Variants in UBE3A observed in about 807,000 individuals in gnomAD.
UBE3A encodes ubiquitin-protein ligase E3A.
In UBE3A, 6 loss-of-function variants were observed where a neutral mutation model predicts 83.4. That is an observed-to-expected ratio of 0.07 (90% CI 0.04 to 0.14). The LOEUF (loss-of-function observed/expected upper bound fraction) is 0.14. UBE3A is among the 10% of genes least tolerant of loss of function. The pLI is 1.00. For missense variants in UBE3A, 456 were observed against 1,036.1 expected, an observed-to-expected ratio of 0.44 and a Z score of 7.69; for synonymous variants, 337 against 355.4, an observed-to-expected ratio of 0.95 and a Z score of 0.58.
In UBE3A at chr15:25,334,588, G is replaced by C. The variant is rs1346237690; in HGVS notation, c.*4549C>G. On this transcript the variant is annotated 3_prime_UTR_variant, in exon 13 of 13. Coordinates refer to ENST00000648336, the MANE Select transcript of UBE3A (RefSeq NM_130839.5). ...TATGCAATGCAAGGGACCCAAAACA[G>C]ACAAAATGATTTTGGGGAAAAAAAA... The C allele has an allele frequency of 7.5e-6, 1 of 132,718 alleles. No individual in the cohort carries two copies. Among genetic ancestry groups the C allele is most frequent in the Admixed American group, 8.0e-5 (1 of 12,488 alleles). The allele number at this position is 132,718 out of a possible 1,614,324, so 8.2% of individuals were successfully genotyped here. A position where few individuals can be genotyped will look rare whatever the true frequency, so the allele number is the denominator to read the frequency against.
At chr15:25,365,962 C>A (rs2079035774) in intron 6 of UBE3A, among the ~76,000 whole-genome samples, 1 of 152,114 alleles carries the variant, frequency 6.6e-6, no homozygotes, top group Non-Finnish European at 1.5e-5. Context: ...TCCATGAGAC[C>A]TGGAATCCTG....
rs746471374 is a variant in UBE3A at position 25,409,109 on chromosome 15, C to T, written c.-2G>A. ...TTACCTTTTACAAGCTGTGGCCATT[C>T]GGTGACATCAGGGTGATCACAGCTT... On this transcript the variant is annotated 5_prime_UTR_variant, in exon 3 of 13. Transcript: ENST00000648336. 5.0e-6 allele frequency: 8 copies of T among 1,595,044 alleles called. No individual in the cohort carries two copies. Among genetic ancestry groups the T allele is most frequent in the African/African-American group, 1.3e-5 (1 of 74,840 alleles).
intron 1 of UBE3A, among the ~76,000 whole-genome samples, chr15:25,421,451 ATG>A (rs1027794452): frequency 6.6e-6 from 1 of 152,236 alleles, no homozygotes; most frequent in Non-Finnish European, 1.5e-5. Flanking sequence ...ATTAAATGAA[ATG>A]TGCCAGACAC....
intron 1 of UBE3A, among the ~76,000 whole-genome samples, chr15:25,427,011 C>T (rs774778434): frequency 2.6e-5 from 4 of 151,914 alleles, no homozygotes; most frequent in African/African-American, 9.7e-5. Flanking sequence ...GTCTCCAATT[C>T]GTGGCCTCAA....
At chr15:25,343,551 T>A (rs902236269) in intron 11 of UBE3A, among the ~76,000 whole-genome samples, 3 of 152,068 alleles carry the variant, frequency 2.0e-5, no homozygotes, top group African/African-American at 7.2e-5. Flanking sequence ...GGACAGACTC[T>A]AGAAAATTAA....
In UBE3A at chr15:25,357,188, A is replaced by G. The variant is rs1187753128; in HGVS notation, c.1754-292T>C. The G allele has an allele frequency of 2.7e-5, 6 of 222,572 alleles. No homozygotes were observed. In the East Asian group the frequency reaches 4.2e-4, roughly 16 times the overall value. The allele number at this position is 222,572 out of a possible 1,614,324, so 13.8% of individuals were successfully genotyped here. The stretch of plus-strand genomic sequence containing the variant: ...TACGTTAATTAAATTCAAGCTTTCT[A>G]ATTTTCTACTAACACATAAGAAAAG... On this transcript the variant is annotated intron_variant, in intron 7 of 12. Transcript: ENST00000648336.
chr15:25,353,386 CGT>C (rs1368048434), intron 11 of UBE3A, among the ~76,000 whole-genome samples: 2 of 152,134 alleles, frequency 1.3e-5, no homozygotes, highest in African/African-American at 4.8e-5. Context: ...TCCAGGACCA[CGT>C]GTGTATACCA....
rs1041797016 is a variant in UBE3A at position 25,438,934 on chromosome 15, G to A, written c.-610C>T. The A allele has an allele frequency of 6.6e-6, 1 of 152,210 alleles. No individual in the cohort carries two copies. Among genetic ancestry groups the A allele is most frequent in the South Asian group, 2.1e-4 (1 of 4,836 alleles). 9.4% of individuals were successfully genotyped at this position (152,210 alleles called of 1,614,324 possible). A position where few individuals can be genotyped will look rare whatever the true frequency, so the allele number is the denominator to read the frequency against. On this transcript the variant is annotated 5_prime_UTR_variant, in exon 1 of 13. Coordinates refer to ENST00000648336, the MANE Select transcript of UBE3A (RefSeq NM_130839.5). ...TGTCGGGTCCTGGCGAAGGGAAAAG[G>A]CCCCGTCGTCTCCTGTAGTCACCCC...
chr15:25,427,413 C>G (rs150356473), intron 1 of UBE3A, among the ~76,000 whole-genome samples: 35 of 151,874 alleles, frequency 2.3e-4, no homozygotes, highest in Non-Finnish European at 4.0e-4. Context: ...TAAGATGGTA[C>G]TGACCAAAGG....
At chr15:25,383,446 G>T (rs566270731) in intron 4 of UBE3A, among the ~76,000 whole-genome samples, 1 of 152,104 alleles carries the variant, frequency 6.6e-6, no homozygotes, top group Non-Finnish European at 1.5e-5. Context: ...AGACCAGCCT[G>T]GCCAACACAG....
chr15:25,430,479 C>A lies in UBE3A; in HGVS notation c.-165+8010G>T, dbSNP rs190033157. Among the ~76,000 whole-genome samples the A allele has an allele frequency of 1.8e-3, 272 of 150,742 alleles. 2 individuals are homozygous for A. The highest frequency in any genetic ancestry group is 6.3e-3 in the African/African-American group (259 of 40,910). ...TTTCTCAAAATCTGGCACTGACTAG[C>A]AATATGGACAATGTGTGCACCGCCC... On this transcript the variant is annotated intron_variant, in intron 1 of 12. Transcript: ENST00000648336.
At chr15:25,359,177 T>C (rs2077638478) in intron 7 of UBE3A, among the ~76,000 whole-genome samples, 1 of 152,216 alleles carries the variant, frequency 6.6e-6, no homozygotes, top group African/African-American at 2.4e-5. Flanking sequence ...CTATGTTTTT[T>C]CTTACAAGTA....
chr15:25,405,431 G>C, intron 4 of UBE3A, 30 bp downstream of exon 4: 1 of 1,612,776 alleles, frequency 6.2e-7, no homozygotes, highest in Non-Finnish European at 8.5e-7. Flanking sequence ...CTCAAAATAA[G>C]AACCACAGTC....
intron 4 of UBE3A, among the ~76,000 whole-genome samples, chr15:25,377,164 G>A (rs2081358343): frequency 6.6e-6 from 1 of 152,124 alleles, no homozygotes. Flanking sequence ...TGCTAATCAT[G>A]AGAAACTCAA....
chr15:25,419,339 T>C (rs182986494), intron 1 of UBE3A: 22 of 152,230 alleles, frequency 1.4e-4, no homozygotes, highest in Admixed American at 6.5e-4. Flanking sequence ...ATGGACAAGA[T>C]AGAAGACAAT....
intron 4 of UBE3A, among the ~76,000 whole-genome samples, chr15:25,394,902 TG>T (rs1327703078): frequency 1.3e-5 from 2 of 152,072 alleles, no homozygotes; most frequent in Non-Finnish European, 2.9e-5. Context: ...TCCATTCTAG[TG>T]GTAAAGAAGC....
chr15:25,382,331 A>G (rs2082322873), intron 4 of UBE3A, among the ~76,000 whole-genome samples: 1 of 152,016 alleles, frequency 6.6e-6, no homozygotes, highest in African/African-American at 2.4e-5. Flanking sequence ...AAAAAAAAAA[A>G]AGAAAAGAAA....
At chr15:25,360,791 T>TA (rs1346576534) in intron 6 of UBE3A, among the ~76,000 whole-genome samples, 1 of 151,448 alleles carries the variant, frequency 6.6e-6, no homozygotes, top group African/African-American at 2.4e-5. Context: ...ATACAATTAA[T>TA]TAAGATTTTA....
chr15:25,381,080 G>A (rs890085958), intron 4 of UBE3A, among the ~76,000 whole-genome samples: 13 of 152,210 alleles, frequency 8.5e-5, no homozygotes, highest in Admixed American at 6.5e-4. Context: ...AATTAACTTT[G>A]AAAGGCATAA....
Sources: gnomAD v4.1 joint callset for allele counts (sites outside exome capture counted in the v4.1 genomes callset) on GRCh38, gnomAD v4.1.1 for gene constraint, MANE v1.5 for transcripts, NCBI Gene and HGNC (gene_info 2026-07-23, HGNC 2026-07-21) for gene names.